The following ANO2 variants were observed in gnomAD, a reference collection of about 807,000 sequenced individuals.
ANO2 encodes the protein anoctamin 2.
Under a neutral mutation model 124.2 loss-of-function variants are expected in ANO2, and 101 were observed. The ratio of observed to expected loss-of-function variants is 0.81; its 90% CI spans 0.69 to 0.96. ANO2 has a LOEUF of 0.96. ANO2 is among the 40% of genes least tolerant of loss of function. The pLI is 0.00. For missense variants in ANO2, 1,293 were observed against 1,274.5 expected, an observed-to-expected ratio of 1.01 and a Z score of -0.22; for synonymous variants, 486 against 482.5, an observed-to-expected ratio of 1.01 and a Z score of -0.09.
intron 14 of ANO2, among the ~76,000 whole-genome samples, chr12:5,719,347 G>T (rs922975161): frequency 6.6e-6 from 1 of 152,132 alleles, no homozygotes; most frequent in South Asian, 2.1e-4. Context: ...CCATAACAGT[G>T]ACTGACAGGA....
At chr12:5,580,113 G>C (rs1285917374) in intron 20 of ANO2, among the ~76,000 whole-genome samples, 1 of 152,108 alleles carries the variant, frequency 6.6e-6, no homozygotes, top group Non-Finnish European at 1.5e-5. Context: ...CAATGTAGTA[G>C]GACTCCCCTA....
intron 16 of ANO2, among the ~76,000 whole-genome samples, chr12:5,623,640 T>A (rs775824193): frequency 6.6e-6 from 1 of 152,162 alleles, no homozygotes. Context: ...GGAAACAGCA[T>A]GGCCAGGAGA....
intron 14 of ANO2, among the ~76,000 whole-genome samples, chr12:5,689,020 T>C (rs181243126): frequency 3.2e-4 from 49 of 152,194 alleles, no homozygotes; most frequent in Non-Finnish European, 4.9e-4. Flanking sequence ...ACAGGATGTA[T>C]TGATTAGGAA....
chr12:5,808,538 G>C (rs932691151), intron 7 of ANO2, among the ~76,000 whole-genome samples: 3 of 152,002 alleles, frequency 2.0e-5, no homozygotes, highest in South Asian at 2.1e-4. Context: ...GGAGGAGAGG[G>C]GGAATTTCTG....
chr12:5,855,991 C>T (rs1412761231), intron 3 of ANO2, among the ~76,000 whole-genome samples: 1 of 152,200 alleles, frequency 6.6e-6, no homozygotes, highest in Non-Finnish European at 1.5e-5. Flanking sequence ...AAGTGGCCTT[C>T]AGCAAGAAAT....
At chr12:5,745,494 T>C (rs944344416) in intron 11 of ANO2, among the ~76,000 whole-genome samples, 2 of 152,170 alleles carry the variant, frequency 1.3e-5, no homozygotes, top group African/African-American at 4.8e-5. Flanking sequence ...GAGCCACTGC[T>C]AGGGAGAGCA....
At chr12:5,697,418 C>T (rs891361347) in intron 14 of ANO2, among the ~76,000 whole-genome samples, 10 of 151,624 alleles carry the variant, frequency 6.6e-5, no homozygotes, top group African/African-American at 2.2e-4. Context: ...GGCAACAGAG[C>T]AAGACTCAGT....
intron 14 of ANO2, among the ~76,000 whole-genome samples, chr12:5,725,567 G>A (rs1950403249): frequency 6.6e-6 from 1 of 152,206 alleles, no homozygotes; most frequent in Non-Finnish European, 1.5e-5. Flanking sequence ...TGGCCAATGG[G>A]AAGTAATGAT....
At chr12:5,913,559 G>A (rs1044483973) in intron 3 of ANO2, among the ~76,000 whole-genome samples, 7 of 152,218 alleles carry the variant, frequency 4.6e-5, no homozygotes, top group Non-Finnish European at 2.9e-5. Context: ...GGGAGGAAGA[G>A]AAAACTACTA....
intron 23 of ANO2, among the ~76,000 whole-genome samples, chr12:5,571,818 C>T (rs1017292971): frequency 2.6e-5 from 4 of 152,076 alleles, no homozygotes; most frequent in African/African-American, 9.7e-5. Flanking sequence ...TTCTAAATCT[C>T]CAGAGAATTG....
At chr12:5,805,306 T>C (rs913753869) in intron 9 of ANO2, among the ~76,000 whole-genome samples, 1 of 152,162 alleles carries the variant, frequency 6.6e-6, no homozygotes, top group African/African-American at 2.4e-5. Context: ...CTTCAGCTCC[T>C]CAACCCTCCC....
At chr12:5,819,910 CA>C (rs1953730824) in intron 7 of ANO2, among the ~76,000 whole-genome samples, 2 of 152,124 alleles carry the variant, frequency 1.3e-5, no homozygotes, top group South Asian at 4.2e-4. Flanking sequence ...ACAGCAGAGG[CA>C]AAGCAGCAAT....
At chr12:5,583,557 G>C (rs1411319155) in intron 20 of ANO2, among the ~76,000 whole-genome samples, 1 of 148,402 alleles carries the variant, frequency 6.7e-6, no homozygotes, top group Non-Finnish European at 1.5e-5. Context: ...GGAGGCTGAG[G>C]CAGGAGAATG....
chr12:5,922,242 C>A (rs191746003), intron 2 of ANO2, among the ~76,000 whole-genome samples: 10 of 152,328 alleles, frequency 6.6e-5, no homozygotes, highest in African/African-American at 2.2e-4. Context: ...AACCCAGCTG[C>A]CTCTGCAGCC....
At position 5,575,850 on chromosome 12, in the gene ANO2, C is replaced by T; in HGVS notation, c.2605G>A (p.Glu869Lys). The change falls in exon 23 of 25, where the codon GAG becomes AAG. Residue 869 changes from glutamate to lysine, a missense_variant. By Grantham distance (56) the Glu-to-Lys change is moderately conservative. Transcript: ENST00000682330. ...TTACTTTACCTGCAGAACTGAACCT[C>T]CTGGTCAAACTGTGAGTTTTCTGGC... is the stretch of plus-strand genomic sequence containing the variant. Reference protein sequence around the residue: ...TQPENSQFDQEVQFCRFKDYR... With the variant: ...TQPENSQFDQKVQFCRFKDYR... 6.2e-7 allele frequency: 1 copy of T among 1,613,918 alleles called. No individual in the cohort carries two copies. Among genetic ancestry groups the T allele is most frequent in the Admixed American group, 1.7e-5 (1 of 60,008 alleles).
intron 4 of ANO2, among the ~76,000 whole-genome samples, chr12:5,834,543 ATCT>A (rs752238937): frequency 2.0e-5 from 3 of 152,222 alleles, no homozygotes; most frequent in South Asian, 2.1e-4. Flanking sequence ...CAGAAGGGTA[ATCT>A]TCTTCCATTA....
At chr12:5,622,335 T>C (rs970959725) in intron 16 of ANO2, among the ~76,000 whole-genome samples, 3 of 152,210 alleles carry the variant, frequency 2.0e-5, no homozygotes, top group African/African-American at 7.2e-5. Flanking sequence ...TAGGCCTGGC[T>C]ATTATTTATG....
chr12:5,625,876 C>T (rs1028250879), intron 16 of ANO2, among the ~76,000 whole-genome samples: 2 of 152,050 alleles, frequency 1.3e-5, no homozygotes, highest in Non-Finnish European at 2.9e-5. Flanking sequence ...CTAAGAGTCC[C>T]CAGATAAGGG....
intron 10 of ANO2, among the ~76,000 whole-genome samples, chr12:5,791,404 G>A (rs1238117624): frequency 1.3e-5 from 2 of 152,184 alleles, no homozygotes; most frequent in Non-Finnish European, 2.9e-5. Flanking sequence ...TAGGCACAAA[G>A]AGGGATGTTC....
Sources: gnomAD v4.1 joint callset for allele counts (sites outside exome capture counted in the v4.1 genomes callset) on GRCh38, gnomAD v4.1.1 for gene constraint, MANE v1.5 for transcripts, NCBI Gene and HGNC (gene_info 2026-07-23, HGNC 2026-07-21) for gene names.